DOCK2: variants seen among roughly 807,000 people sequenced by gnomAD.
DOCK2 encodes dedicator of cytokinesis 2, also known as dedicator of cytokinesis protein 2.
Under a neutral mutation model 248.9 loss-of-function variants are expected in DOCK2, and 87 were observed. That is an observed-to-expected ratio of 0.35 (90% CI 0.29 to 0.42). The LOEUF (loss-of-function observed/expected upper bound fraction) is 0.42, where lower values mean the gene tolerates loss of function less well. DOCK2 is among the 10% of genes least tolerant of loss of function. DOCK2 has a pLI of 1.00. For synonymous variants in DOCK2, 805 were observed against 821.6 expected (o/e 0.98, Z 0.35); for missense variants, 1,747 against 2,300.2 (o/e 0.76, Z 4.92).
chr5:170,058,067 GAA>G (rs1757199331), intron 44 of DOCK2, among the ~76,000 whole-genome samples: 1 of 152,128 alleles, frequency 6.6e-6, no homozygotes, highest in African/African-American at 2.4e-5. Context: ...TTTATAGTTG[GAA>G]AAACTGAGGC....
chr5:169,982,380 T>A (rs1167209954), intron 27 of DOCK2, among the ~76,000 whole-genome samples: 3 of 152,148 alleles, frequency 2.0e-5, no homozygotes, highest in African/African-American at 7.2e-5. Context: ...CATGAAAGGG[T>A]GTGGTTCCTC....
intron 27 of DOCK2, among the ~76,000 whole-genome samples, chr5:169,892,222 A>C (rs1169836021): frequency 6.6e-6 from 1 of 152,038 alleles, no homozygotes; most frequent in African/African-American, 2.4e-5. Context: ...CTCAAAGCAA[A>C]CCTAAAAACC....
At chr5:170,053,550 T>C (rs938904042) in intron 41 of DOCK2, among the ~76,000 whole-genome samples, 1 of 152,242 alleles carries the variant, frequency 6.6e-6, no homozygotes, top group Non-Finnish European at 1.5e-5. Context: ...GAACCAGATT[T>C]GACCGCAGGG....
At chr5:169,737,490 A>G (rs1763099468) in intron 22 of DOCK2, among the ~76,000 whole-genome samples, 1 of 152,148 alleles carries the variant, frequency 6.6e-6, no homozygotes, top group Admixed American at 6.5e-5. Context: ...AATCTCCAAA[A>G]AGTGATGTCT....
chr5:169,979,116 G>T (rs553454799), intron 27 of DOCK2, among the ~76,000 whole-genome samples: 1 of 152,170 alleles, frequency 6.6e-6, no homozygotes, highest in Non-Finnish European at 1.5e-5. Context: ...AAAAGAGGGG[G>T]ATTCTTGCTA....
At chr5:169,689,422 G>A in intron 9 of DOCK2, 89 bp downstream of exon 9, 1 of 1,379,840 alleles carries the variant, frequency 7.2e-7, no homozygotes, top group Non-Finnish European at 1.0e-6. Context: ...TCAGGGTGAA[G>A]TGTGGCTGTC....
At chr5:169,655,180 G>A (rs1758033376) in intron 2 of DOCK2, among the ~76,000 whole-genome samples, 1 of 152,234 alleles carries the variant, frequency 6.6e-6, no homozygotes, top group African/African-American at 2.4e-5. Flanking sequence ...AGAACCAAAT[G>A]AGCTGCTGAT....
intron 27 of DOCK2, chr5:169,934,691 G>A (rs1297546640): frequency 2.6e-5 from 12 of 456,112 alleles, no homozygotes; most frequent in Admixed American, 7.0e-5. Flanking sequence ...TGGGTGCTAC[G>A]GAGTATTAAA....
chr5:170,072,432 C>T (rs535976717), intron 46 of DOCK2, among the ~76,000 whole-genome samples: 9 of 152,056 alleles, frequency 5.9e-5, no homozygotes, highest in African/African-American at 1.4e-4. Flanking sequence ...TTTATTTATC[C>T]GTTCTGTTGG....
chr5:169,959,259 G>T (rs1489187514), intron 27 of DOCK2, among the ~76,000 whole-genome samples: 1 of 151,972 alleles, frequency 6.6e-6, no homozygotes, highest in Non-Finnish European at 1.5e-5. Context: ...TGGGCGTGGT[G>T]GTGCACGCCT....
chr5:169,715,062 T>G (rs1761826012), intron 19 of DOCK2, among the ~76,000 whole-genome samples: 1 of 152,114 alleles, frequency 6.6e-6, no homozygotes, highest in Non-Finnish European at 1.5e-5. Flanking sequence ...TTCTGCTGCT[T>G]GGAGAGCATT....
intron 27 of DOCK2, among the ~76,000 whole-genome samples, chr5:169,974,335 T>A (rs1777636142): frequency 6.6e-6 from 1 of 152,214 alleles, no homozygotes; most frequent in Admixed American, 6.5e-5. Flanking sequence ...TTTAACAGCG[T>A]CTAACACATA....
At chr5:170,065,766 G>A (rs141137109) in intron 44 of DOCK2, among the ~76,000 whole-genome samples, 11,027 of 152,130 alleles carry the variant, frequency 0.072, 858 homozygotes, top group African/African-American at 0.2. Context: ...CCATGATTCA[G>A]TCATCTCCCA....
rs529887043 is a variant in DOCK2, at chr5:169,803,920, G to A, written c.2703+714G>A. ...AAGCATTGGAAGATGGAAGGAGGGT[G>A]CTGGATCTGACCCAGGTTCCTCTGG... On this transcript the variant is annotated intron_variant, in intron 26 of 51. Transcript: ENST00000520908. Among the ~76,000 whole-genome samples, 8 of 152,326 alleles carry A rather than the reference G, an allele frequency of 5.3e-5. 1 individual carries two copies. Among genetic ancestry groups the A allele is most frequent in the Admixed American group, 3.9e-4 (6 of 15,304 alleles).
intron 27 of DOCK2, among the ~76,000 whole-genome samples, chr5:169,913,579 A>T (rs1006028384): frequency 4.6e-5 from 7 of 152,200 alleles, no homozygotes; most frequent in African/African-American, 1.7e-4. Context: ...AATAAAAATA[A>T]ACATATTGAA....
chr5:169,922,163 T>C (rs1347850284), intron 27 of DOCK2, among the ~76,000 whole-genome samples: 1 of 152,246 alleles, frequency 6.6e-6, no homozygotes, highest in East Asian at 1.9e-4. Flanking sequence ...TTTGCATAGC[T>C]AGGGTGCAGC....
At chr5:169,845,673 G>A (rs1770261372) in intron 27 of DOCK2, among the ~76,000 whole-genome samples, 1 of 152,190 alleles carries the variant, frequency 6.6e-6, no homozygotes, top group Non-Finnish European at 1.5e-5. Flanking sequence ...GGAATTGCCT[G>A]TTCAGACTTT....
At chr5:169,755,529 G>C (rs977225253) in intron 23 of DOCK2, among the ~76,000 whole-genome samples, 2 of 152,094 alleles carry the variant, frequency 1.3e-5, no homozygotes, top group African/African-American at 4.8e-5. Context: ...GATCACCTGA[G>C]GTCAGGGGTT....
intron 27 of DOCK2, among the ~76,000 whole-genome samples, chr5:169,871,524 G>T (rs1771970239): frequency 6.6e-6 from 1 of 152,210 alleles, no homozygotes; most frequent in Non-Finnish European, 1.5e-5. Flanking sequence ...TTTTATAAAT[G>T]AGAAAACTGA....
Sources: gnomAD v4.1 joint callset for allele counts (sites outside exome capture counted in the v4.1 genomes callset) on GRCh38, gnomAD v4.1.1 for gene constraint, MANE v1.5 for transcripts, NCBI Gene and HGNC (gene_info 2026-07-23, HGNC 2026-07-21) for gene names.